The following TRAPPC9 variants were observed in gnomAD, a reference collection of about 807,000 sequenced individuals.
The protein encoded by TRAPPC9 is IKK2 binding protein.
A neutral mutation model predicts 124.0 loss-of-function variants in TRAPPC9; 83 were observed. The ratio of observed to expected loss-of-function variants is 0.67; its 90% CI spans 0.56 to 0.80. The LOEUF is 0.80. TRAPPC9 is among the 30% of genes least tolerant of loss of function. The pLI, the probability that TRAPPC9 is intolerant of heterozygous loss-of-function variation, is 0.00. For synonymous variants in TRAPPC9, 638 were observed against 617.5 expected (o/e 1.03, Z -0.49); for missense variants, 1,302 against 1,508.3 (o/e 0.86, Z 2.27).
intron 18 of TRAPPC9, among the ~76,000 whole-genome samples, chr8:140,007,653 T>G (rs1035770643): frequency 1.3e-5 from 2 of 152,142 alleles, no homozygotes; most frequent in African/African-American, 4.8e-5. Context: ...CAAAATACAT[T>G]CAATCTCCAA....
chr8:139,751,370 C>T (rs1281178707), intron 21 of TRAPPC9, among the ~76,000 whole-genome samples: 1 of 152,122 alleles, frequency 6.6e-6, no homozygotes, highest in Non-Finnish European at 1.5e-5. Context: ...TAAGCCTGGC[C>T]CTTTCAGACA....
intron 21 of TRAPPC9, among the ~76,000 whole-genome samples, chr8:139,755,816 A>G (rs1397116180): frequency 0.024 from 805 of 34,146 alleles, no homozygotes; most frequent in Admixed American, 0.033. Context: ...GTTGGGGTAT[A>G]AGGACAGCAG....
intron 21 of TRAPPC9, chr8:139,880,972 T>C (rs1392254862): frequency 6.6e-6 from 1 of 152,210 alleles, no homozygotes; most frequent in Non-Finnish European, 1.5e-5. Flanking sequence ...GCCTTTCAGA[T>C]CTTAGCATTG....
chr8:139,850,176 A>G (rs1262145746), intron 21 of TRAPPC9, among the ~76,000 whole-genome samples: 1 of 152,232 alleles, frequency 6.6e-6, no homozygotes, highest in African/African-American at 2.4e-5. Context: ...ACAAATGGGT[A>G]TGAGGGACTG....
chr8:139,869,811 T>A (rs922193971), intron 21 of TRAPPC9, among the ~76,000 whole-genome samples: 11 of 152,228 alleles, frequency 7.2e-5, no homozygotes, highest in Non-Finnish European at 1.5e-4. Context: ...AACTATCTTT[T>A]AACTCTCGGG....
intron 17 of TRAPPC9, among the ~76,000 whole-genome samples, chr8:140,033,744 T>C (rs1840702152): frequency 7.9e-6 from 1 of 126,488 alleles, no homozygotes; most frequent in African/African-American, 2.9e-5. Flanking sequence ...TGCAGGGGCG[T>C]GATCTCAGCT....
intron 21 of TRAPPC9, among the ~76,000 whole-genome samples, chr8:139,734,785 G>A (rs1262780919): frequency 6.6e-6 from 1 of 152,266 alleles, no homozygotes; most frequent in Non-Finnish European, 1.5e-5. Context: ...GCATGACACA[G>A]CACTCAACAG....
chr8:140,395,322 C>A lies in TRAPPC9; in HGVS notation c.1134+2298G>T, dbSNP rs117816181. On this transcript the variant is annotated intron_variant, in intron 7 of 22. Coordinates refer to ENST00000438773, the MANE Select transcript of TRAPPC9 (RefSeq NM_001160372.4). ...ACTTGCCACTTTGACTTATCGGCCT[C>A]CCTACCAACGTCTAATCTAGGAAAT... Among the ~76,000 whole-genome samples the A allele has an allele frequency of 6.8e-4, 104 of 152,266 alleles. No individual in the cohort carries two copies. The East Asian group carries it at 0.017, about 24-fold the overall frequency.
intron 17 of TRAPPC9, among the ~76,000 whole-genome samples, chr8:140,058,814 G>A (rs1842427144): frequency 1.3e-5 from 2 of 152,192 alleles, no homozygotes; most frequent in East Asian, 1.9e-4. Context: ...GCTCTGGCCA[G>A]AGTGTAAACA....
chr8:139,803,171 G>A (rs1055857236), intron 21 of TRAPPC9, among the ~76,000 whole-genome samples: 3 of 152,016 alleles, frequency 2.0e-5, no homozygotes, highest in South Asian at 2.1e-4. Flanking sequence ...CTGTGTGCGC[G>A]TTGTGTATGT....
chr8:139,790,451 G>T (rs7014257), intron 21 of TRAPPC9, among the ~76,000 whole-genome samples: 58,969 of 151,952 alleles, frequency 0.39, 13,679 homozygotes, highest in Non-Finnish European at 0.52. Context: ...ACCACAGCCG[G>T]TGCTCACAGG....
At chr8:140,284,448 A>C (rs2065427281) in intron 13 of TRAPPC9, among the ~76,000 whole-genome samples, 1 of 152,214 alleles carries the variant, frequency 6.6e-6, no homozygotes, top group South Asian at 2.1e-4. Flanking sequence ...TTCTGTTGAG[A>C]GATGAAAGTT....
intron 21 of TRAPPC9, among the ~76,000 whole-genome samples, chr8:139,753,969 G>C (rs969877502): frequency 6.6e-6 from 1 of 152,230 alleles, no homozygotes; most frequent in Admixed American, 6.5e-5. Context: ...CCTTGGCACA[G>C]AGCAGGTATT....
At chr8:140,301,227 A>T (rs997484833) in intron 10 of TRAPPC9, among the ~76,000 whole-genome samples, 3 of 152,188 alleles carry the variant, frequency 2.0e-5, no homozygotes, top group Admixed American at 1.3e-4. Flanking sequence ...TGTATCTGTC[A>T]TCGCTTCCCA....
At chr8:139,932,760 T>G in intron 19 of TRAPPC9, 1 of 344,158 alleles carries the variant, frequency 2.9e-6, no homozygotes, top group Non-Finnish European at 5.7e-6. Context: ...TGAGACTGTG[T>G]CTTCAAAAAA....
intron 18 of TRAPPC9, among the ~76,000 whole-genome samples, chr8:140,005,065 C>T (rs1000039135): frequency 1.3e-5 from 2 of 152,128 alleles, no homozygotes; most frequent in Admixed American, 1.3e-4. Flanking sequence ...CCAGAGAAAA[C>T]AAAGAACAAA....
intron 6 of TRAPPC9, among the ~76,000 whole-genome samples, chr8:140,404,289 T>C (rs564514254): frequency 1.8e-4 from 27 of 151,936 alleles, no homozygotes; most frequent in African/African-American, 6.5e-4. Context: ...GGGGCAAAAA[T>C]GTTCAGTAAA....
At chr8:140,239,041 G>A (rs778860878) in intron 16 of TRAPPC9, among the ~76,000 whole-genome samples, 16 of 152,190 alleles carry the variant, frequency 1.1e-4, no homozygotes, top group Non-Finnish European at 1.6e-4. Context: ...TGGGAAGAGG[G>A]AGCAGGCCCC....
At chr8:140,265,513 T>A (rs1228992777) in intron 15 of TRAPPC9, among the ~76,000 whole-genome samples, 2 of 152,174 alleles carry the variant, frequency 1.3e-5, no homozygotes, top group Non-Finnish European at 2.9e-5. Context: ...TTAATATGTG[T>A]TTGCACCTCA....
Sources: allele counts gnomAD v4.1 joint callset (sites outside exome capture counted in the v4.1 genomes callset), GRCh38; gene constraint gnomAD v4.1.1; transcripts MANE v1.5; gene names NCBI Gene and HGNC (gene_info 2026-07-23, HGNC 2026-07-21).